The following ASAP2 variants were observed in gnomAD, a reference collection of about 807,000 sequenced individuals.
The protein encoded by ASAP2 is arf-GAP with SH3 domain, ANK repeat and PH domain-containing protein 2.
In ASAP2, 45 loss-of-function variants were observed where a neutral mutation model predicts 131.4. The observed-to-expected ratio is 0.34, with a 90% confidence interval of 0.27 to 0.44. ASAP2 has a LOEUF of 0.44. ASAP2 is among the 20% of genes least tolerant of loss of function. ASAP2 has a pLI of 1.00. For missense variants in ASAP2, 1,011 were observed against 1,297.0 expected, an observed-to-expected ratio of 0.78 and a Z score of 3.39; for synonymous variants, 510 against 503.0, an observed-to-expected ratio of 1.01 and a Z score of -0.19.
intron 24 of ASAP2, among the ~76,000 whole-genome samples, chr2:9,395,664 G>A (rs1676087870): frequency 7.4e-6 from 1 of 134,278 alleles, no homozygotes; most frequent in African/African-American, 2.9e-5. Context: ...CTGGAGTGCG[G>A]TGGCGCGATC....
chr2:9,334,634 G>C, intron 7 of ASAP2, 104 bp from the exon 8 acceptor site: 1 of 954,636 alleles, frequency 1.0e-6, no homozygotes, highest in South Asian at 1.6e-5. Flanking sequence ...TCCCCCAGGA[G>C]TTACATAATG....
chr2:9,330,614 G>C (rs1334053948), intron 7 of ASAP2, among the ~76,000 whole-genome samples: 1 of 152,162 alleles, frequency 6.6e-6, no homozygotes, highest in African/African-American at 2.4e-5. Flanking sequence ...CAATTATATA[G>C]TTTTCAAGAT....
intron 24 of ASAP2, among the ~76,000 whole-genome samples, chr2:9,394,159 CTTTTTTT>C (rs71389241): frequency 1.2e-5 from 1 of 81,740 alleles, no homozygotes. Flanking sequence ...TAGTTTGTGG[CTTTTTTT>C]TTTTTTTTTT....
At chr2:9,322,114 T>C (rs1670184888) in intron 5 of ASAP2, among the ~76,000 whole-genome samples, 1 of 152,220 alleles carries the variant, frequency 6.6e-6, no homozygotes, top group South Asian at 2.1e-4. Flanking sequence ...GTCACACTCC[T>C]TTCCGGATGC....
intron 1 of ASAP2, among the ~76,000 whole-genome samples, chr2:9,254,670 G>T (rs750003034): frequency 3.7e-4 from 55 of 150,454 alleles, no homozygotes; most frequent in Admixed American, 2.2e-3. Flanking sequence ...CACCGTCCCC[G>T]GCCTATAAAC....
At chr2:9,271,011 T>C (rs949214064) in intron 1 of ASAP2, among the ~76,000 whole-genome samples, 1 of 151,686 alleles carries the variant, frequency 6.6e-6, no homozygotes, top group Non-Finnish European at 1.5e-5. Flanking sequence ...GCCAGGATAG[T>C]CTCGATCTCG....
intron 1 of ASAP2, among the ~76,000 whole-genome samples, chr2:9,224,966 T>G (rs1662661756): frequency 6.6e-6 from 1 of 152,116 alleles, no homozygotes; most frequent in Non-Finnish European, 1.5e-5. Context: ...AAGGAGGGCA[T>G]GGGAGGGCTA....
In ASAP2 at chr2:9,368,345, C is replaced by T. The variant is rs537081048; in HGVS notation, c.1462-80C>T. 24 of 1,283,520 alleles carry T rather than the reference C, an allele frequency of 1.9e-5. No homozygotes were observed. The East Asian group carries it at 2.8e-4, about 15-fold the overall frequency. The allele number at this position is 1,283,520 out of a possible 1,614,324, so 79.5% of individuals were successfully genotyped here. On this transcript the variant is annotated intron_variant, in intron 15 of 27. Coordinates refer to ENST00000281419, the MANE Select transcript of ASAP2 (RefSeq NM_003887.3). ...ATTTCTTAGTGGCCATTAAATAAAT[C>T]ATCAGATGGGGATGGGTAATGTGTA...
intron 4 of ASAP2, 126 bp from the exon 5 acceptor site, chr2:9,320,161 TG>T: frequency 1.4e-6 from 1 of 739,300 alleles, no homozygotes. Flanking sequence ...TTATTTTTCG[TG>T]GGATTACATA....
intron 1 of ASAP2, among the ~76,000 whole-genome samples, chr2:9,248,895 G>A (rs896402053): frequency 1.3e-5 from 2 of 152,198 alleles, no homozygotes; most frequent in Non-Finnish European, 2.9e-5. Flanking sequence ...CTGGCTCTGT[G>A]TCTACCTGTC....
chr2:9,365,182 A>G (rs7573908), intron 15 of ASAP2, among the ~76,000 whole-genome samples: 2,822 of 152,298 alleles, frequency 0.019, 81 homozygotes, highest in African/African-American at 0.064. Flanking sequence ...CCTGCACACC[A>G]GAGTGTCCTT....
At chr2:9,218,121 G>C (rs1362674271) in intron 1 of ASAP2, among the ~76,000 whole-genome samples, 2 of 152,138 alleles carry the variant, frequency 1.3e-5, no homozygotes, top group South Asian at 2.1e-4. Flanking sequence ...GTGCTGTGGA[G>C]GAGGTCCTAC....
intron 15 of ASAP2, among the ~76,000 whole-genome samples, chr2:9,360,377 G>A (rs2148662812): frequency 6.6e-6 from 1 of 152,246 alleles, no homozygotes; most frequent in East Asian, 1.9e-4. Flanking sequence ...AGCTTTTAAG[G>A]TGACAGATCT....
intron 1 of ASAP2, among the ~76,000 whole-genome samples, chr2:9,223,482 G>C (rs1035534651): frequency 6.6e-6 from 1 of 152,152 alleles, no homozygotes; most frequent in Non-Finnish European, 1.5e-5. Flanking sequence ...GGGTTCTGAT[G>C]CTTTGTTAGA....
chr2:9,389,554 C>T lies in ASAP2; in HGVS notation c.2383+1008C>T, dbSNP rs561009995. The stretch of plus-strand genomic sequence containing the variant: ...TGCAGCTTTGTGCTGCACGTACACT[C>T]GGCTGTGCTGCTGGGCCCATCTTCC... On this transcript the variant is annotated intron_variant, in intron 22 of 27. Transcript: ENST00000281419. The surrounding 1 kb of genome is among the most constrained non-coding windows in gnomAD (Gnocchi z 4.7). 5.3e-5 allele frequency among the ~76,000 whole-genome samples: 8 copies of T among 152,336 alleles called. No homozygotes were observed. In the South Asian group the frequency reaches 1.4e-3, roughly 28 times the overall value.
intron 25 of ASAP2, among the ~76,000 whole-genome samples, chr2:9,400,480 T>C (rs1676569620): frequency 6.9e-6 from 1 of 144,126 alleles, no homozygotes; most frequent in South Asian, 2.4e-4. Flanking sequence ...CCTCGGCCTC[T>C]GAGACCCCTG....
At chr2:9,353,157 T>C (rs1672458590) in intron 12 of ASAP2, among the ~76,000 whole-genome samples, 2 of 152,166 alleles carry the variant, frequency 1.3e-5, no homozygotes, top group South Asian at 4.1e-4. Context: ...AAGACCTGAT[T>C]CTGGCTGATT....
At chr2:9,297,896 C>T (rs560130222) in intron 3 of ASAP2, among the ~76,000 whole-genome samples, 2 of 151,082 alleles carry the variant, frequency 1.3e-5, no homozygotes, top group East Asian at 3.9e-4. Flanking sequence ...TTTGTGCTCC[C>T]AAGTGTAGAA....
chr2:9,357,102 A>AT (rs1672759111), intron 14 of ASAP2, among the ~76,000 whole-genome samples: 1 of 151,868 alleles, frequency 6.6e-6, no homozygotes, highest in African/African-American at 2.4e-5. Context: ...AACACAACCA[A>AT]AATAAGAGTG....
Sources: gnomAD v4.1 joint callset for allele counts (sites outside exome capture counted in the v4.1 genomes callset) on GRCh38, gnomAD v4.1.1 for gene constraint, Gnocchi (gnomAD v3.1) non-coding constraint, MANE v1.5 for transcripts, NCBI Gene and HGNC (gene_info 2026-07-23, HGNC 2026-07-21) for gene names.